ELOVL6: variants seen among roughly 807,000 people sequenced by gnomAD.
ELOVL6 encodes very long chain fatty acid elongase 6.
In ELOVL6, 8 loss-of-function variants were observed where a neutral mutation model predicts 31.7. The observed-to-expected ratio is 0.25, with a 90% CI of 0.15 to 0.45. The LOEUF is 0.45. ELOVL6 is among the 20% of genes least tolerant of loss of function. ELOVL6 has a pLI of 1.00. For synonymous variants in ELOVL6, 101 were observed against 117.7 expected (o/e 0.86, Z 0.92); for missense variants, 126 against 326.4 (o/e 0.39, Z 4.73).
In ELOVL6 at chr4:110,050,399, C is replaced by G. The variant is rs114833522; in HGVS notation, c.*939G>C. On this transcript the variant is annotated 3_prime_UTR_variant, in exon 4 of 4. Transcript: ENST00000302274. ...CTGCCTTTCTCCCTTTTCCAGCTCA[C>G]AGTGGTCCTGGGCCGGGCCTTTTTA... 6.6e-6 allele frequency: 1 copy of G among 152,546 alleles called. No individual in the cohort carries two copies. The highest frequency in any genetic ancestry group is 2.1e-4 in the South Asian group (1 of 4,830). 9.4% of individuals were successfully genotyped at this position (152,546 alleles called of 1,614,324 possible). A position where few individuals can be genotyped will look rare whatever the true frequency, so the allele number is the denominator to read the frequency against.
At chr4:110,084,588 A>ATATATTTTTTTT (rs1553956261) in intron 2 of ELOVL6, among the ~76,000 whole-genome samples, 1 of 29,656 alleles carries the variant, frequency 3.4e-5, no homozygotes, top group Non-Finnish European at 5.3e-5. Flanking sequence ...ATATATATAT[A>ATATATTTTTTTT]TTTTTTTTTT....
chr4:110,055,528 G>T (rs541128912), intron 3 of ELOVL6, among the ~76,000 whole-genome samples: 6 of 152,272 alleles, frequency 3.9e-5, no homozygotes, highest in Non-Finnish European at 8.8e-5. Context: ...AGGGCATGTT[G>T]TTCCTTATAC....
intron 2 of ELOVL6, among the ~76,000 whole-genome samples, chr4:110,098,552 T>C (rs2126243210): frequency 6.6e-6 from 1 of 152,298 alleles, no homozygotes; most frequent in East Asian, 1.9e-4. Flanking sequence ...GGACTCTCTC[T>C]GGTCGTATTT....
intron 1 of ELOVL6, among the ~76,000 whole-genome samples, chr4:110,172,740 A>G (rs1758991073): frequency 6.6e-6 from 1 of 152,244 alleles, no homozygotes; most frequent in African/African-American, 2.4e-5. Flanking sequence ...CATTAGCCCA[A>G]AGTACTTAAA....
rs1754797273 is a variant in ELOVL6 at position 110,050,053 on chromosome 4, G to C, written c.*1285C>G. ...ATCACTTAAAATTTGAGGGATAAGTGTATGGGGGCCCTTTGTTGTCAACTG... is the reference window on the plus strand; with the variant it reads ...ATCACTTAAAATTTGAGGGATAAGTCTATGGGGGCCCTTTGTTGTCAACTG... On this transcript the variant is annotated 3_prime_UTR_variant, in exon 4 of 4. Transcript: ENST00000302274. The C allele has an allele frequency of 6.6e-6, 1 of 152,466 alleles. No individual in the cohort carries two copies. The highest frequency in any genetic ancestry group is 6.5e-5 in the Admixed American group (1 of 15,280). 9.4% of individuals were successfully genotyped at this position (152,466 alleles called of 1,614,324 possible).
At position 110,129,345 on chromosome 4, in the gene ELOVL6, T is replaced by A. The variant is rs187744232; in HGVS notation, c.90-23717A>T. The stretch of plus-strand genomic sequence containing the variant: ...TGTCACCTCCTAAAAAGTCCTTGAG[T>A]CTCTCAAGAGATGCCTTAACACCAG... On this transcript the variant is annotated intron_variant, in intron 1 of 3. Transcript: ENST00000302274. Among the ~76,000 whole-genome samples the A allele has an allele frequency of 2.9e-4, 44 of 152,242 alleles. No individual in the cohort carries two copies. In the East Asian group the frequency reaches 7.1e-3, roughly 25 times the overall value.
At chr4:110,090,801 C>T (rs968288702) in intron 2 of ELOVL6, among the ~76,000 whole-genome samples, 18 of 151,968 alleles carry the variant, frequency 1.2e-4, no homozygotes, top group Non-Finnish European at 1.3e-4. Context: ...GATGGGGTTT[C>T]GCCATGTTGG....
intron 1 of ELOVL6, among the ~76,000 whole-genome samples, chr4:110,189,718 C>T (rs1483019360): frequency 1.3e-5 from 2 of 151,670 alleles, no homozygotes; most frequent in Admixed American, 6.6e-5. Context: ...CCTGTAATCC[C>T]AGCACTTTGG....
intron 2 of ELOVL6, among the ~76,000 whole-genome samples, chr4:110,069,776 C>T (rs181680009): frequency 2.6e-5 from 4 of 152,268 alleles, no homozygotes; most frequent in Admixed American, 2.6e-4. Context: ...ATGACAATCA[C>T]CTGGAAGCAC....
At chr4:110,127,418 A>AAAAG (rs1553959426) in intron 1 of ELOVL6, among the ~76,000 whole-genome samples, 2 of 150,974 alleles carry the variant, frequency 1.3e-5, no homozygotes, top group East Asian at 2.0e-4. Flanking sequence ...AAAAAAAAAA[A>AAAAG]AAAAAAAGAA....
chr4:110,098,061 G>C (rs530977335), intron 2 of ELOVL6, among the ~76,000 whole-genome samples: 2 of 152,140 alleles, frequency 1.3e-5, no homozygotes, highest in African/African-American at 4.8e-5. Context: ...CACAATATCT[G>C]ACCTGCATCG....
chr4:110,140,216 C>T (rs1406710486), intron 1 of ELOVL6, among the ~76,000 whole-genome samples: 1 of 152,092 alleles, frequency 6.6e-6, no homozygotes, highest in Admixed American at 6.5e-5. Flanking sequence ...TTTTACTTTT[C>T]TTTCCACAAG....
chr4:110,187,474 C>T (rs554371596), intron 1 of ELOVL6, among the ~76,000 whole-genome samples: 3 of 151,272 alleles, frequency 2.0e-5, no homozygotes, highest in Admixed American at 1.3e-4. Flanking sequence ...CTTGGGAGGC[C>T]GAGGCAGGCG....
intron 3 of ELOVL6, among the ~76,000 whole-genome samples, chr4:110,058,499 T>A (rs1182368400): frequency 6.6e-6 from 1 of 152,154 alleles, no homozygotes; most frequent in Non-Finnish European, 1.5e-5. Context: ...GGAAGGTGGC[T>A]GGGTTGCCGG....
chr4:110,172,970 T>G (rs1439725647), intron 1 of ELOVL6, among the ~76,000 whole-genome samples: 1 of 152,216 alleles, frequency 6.6e-6, no homozygotes, highest in Non-Finnish European at 1.5e-5. Context: ...ACACTGCATA[T>G]GCCTATGTGG....
At chr4:110,162,636 T>C (rs1439885282) in intron 1 of ELOVL6, among the ~76,000 whole-genome samples, 2 of 151,986 alleles carry the variant, frequency 1.3e-5, no homozygotes, top group East Asian at 1.9e-4. Flanking sequence ...TGAACAACTG[T>C]GCCAGGCCTG....
At chr4:110,157,085 C>T (rs1240733147) in intron 1 of ELOVL6, among the ~76,000 whole-genome samples, 2 of 152,068 alleles carry the variant, frequency 1.3e-5, no homozygotes, top group Non-Finnish European at 2.9e-5. Flanking sequence ...AAGTAAATGG[C>T]CATCTGGGTC....
At chr4:110,056,944 C>T (rs993810320) in intron 3 of ELOVL6, among the ~76,000 whole-genome samples, 1 of 152,164 alleles carries the variant, frequency 6.6e-6, no homozygotes, top group Non-Finnish European at 1.5e-5. Flanking sequence ...AGCATCAACA[C>T]AACCAAGATA....
intron 1 of ELOVL6, among the ~76,000 whole-genome samples, chr4:110,189,454 G>C (rs1393485698): frequency 6.6e-6 from 1 of 151,658 alleles, no homozygotes; most frequent in East Asian, 1.9e-4. Context: ...AGGTGTGGTG[G>C]CAGGTGCCTG....
Sources: allele counts gnomAD v4.1 joint callset (sites outside exome capture counted in the v4.1 genomes callset), GRCh38; gene constraint gnomAD v4.1.1; transcripts MANE v1.5; gene names NCBI Gene and HGNC (gene_info 2026-07-23, HGNC 2026-07-21).